NKD2: variants seen among roughly 807,000 people sequenced by gnomAD.
NKD2 encodes the protein protein naked cuticle homolog 2.
Under a neutral mutation model 34.8 loss-of-function variants are expected in NKD2, and 43 were observed. The ratio of observed to expected loss-of-function variants is 1.24; its 90% CI spans 0.97 to 1.60. The LOEUF is 1.60. NKD2 is among the 40% of genes most tolerant of loss of function. NKD2 has a pLI of 0.00. For missense variants in NKD2, 675 were observed against 627.1 expected, an observed-to-expected ratio of 1.08 and a Z score of -0.82; for synonymous variants, 278 against 265.1, an observed-to-expected ratio of 1.05 and a Z score of -0.47.
At chr5:1,025,002 C>T (rs1313422123) in intron 3 of NKD2, among the ~76,000 whole-genome samples, 5 of 13,494 alleles carry the variant, frequency 3.7e-4, no homozygotes, top group African/African-American at 4.3e-4. Flanking sequence ...TCTTCCCACC[C>T]GCTGTGGGCG....
At position 1,038,472 on chromosome 5, in the gene NKD2, G is replaced by GC; in HGVS notation, c.*104dup. The GC allele has an allele frequency of 6.5e-7, 1 of 1,531,108 alleles. No homozygotes were observed. The highest frequency in any genetic ancestry group is 8.7e-7 in the Non-Finnish European group (1 of 1,144,822). 94.8% of individuals were successfully genotyped at this position (1,531,108 alleles called of 1,614,324 possible). The stretch of plus-strand genomic sequence containing the variant: ...CGGCTGTGTGCCCATGGGGAGCCCA[G>GC]CCCCCACCCCCCACCTCCGACAGCA... On this transcript the variant is annotated 3_prime_UTR_variant, in exon 10 of 10. Transcript: ENST00000296849. This position sits in a 1 kb window ranked among gnomAD's most constrained non-coding sequence, Gnocchi z 4.5.
intron 3 of NKD2, among the ~76,000 whole-genome samples, chr5:1,025,877 C>T (rs113448369): frequency 2.6e-4 from 23 of 87,434 alleles, no homozygotes; most frequent in East Asian, 3.9e-4. Context: ...TGTGGGCGTC[C>T]CAGCCCGTTG....
intron 3 of NKD2, among the ~76,000 whole-genome samples, chr5:1,014,301 A>G (rs1333871838): frequency 1.3e-5 from 2 of 152,220 alleles, no homozygotes; most frequent in Non-Finnish European, 2.9e-5. Context: ...TCGGAAACCA[A>G]TCATCAGCCC....
chr5:1,037,421 C>A, intron 9 of NKD2: 1 of 1,113,912 alleles, frequency 9.0e-7, no homozygotes, highest in Non-Finnish European at 1.3e-6. Flanking sequence ...AGTCCTGAGT[C>A]CTTCTCAAAT....
rs1303057356 is a variant in NKD2 at position 1,038,357 on chromosome 5, A to G, written c.1340A>G (p.His447Arg). ...HEHHHHHHHH[H>R]FHPS The stretch of plus-strand genomic sequence containing the variant: ...CACCACCACCACCACCACCACCACC[A>G]CTTCCACCCGTCCTAGCGCCACTGC... Residue 447 changes from histidine (H) to arginine (R), a missense_variant, in exon 10 of 10, where the codon CAC becomes CGC. Physicochemically the swap from His to Arg is conservative, Grantham distance 29. Transcript: ENST00000296849. This position sits in a 1 kb window ranked among gnomAD's most constrained non-coding sequence, Gnocchi z 4.5. The G allele has an allele frequency of 6.5e-7, 1 of 1,535,206 alleles. No homozygotes were observed. The highest frequency in any genetic ancestry group is 8.7e-7 in the Non-Finnish European group (1 of 1,146,902).
chr5:1,016,881 G>A (rs1164114054), intron 3 of NKD2, among the ~76,000 whole-genome samples: 2 of 151,900 alleles, frequency 1.3e-5, no homozygotes, highest in Non-Finnish European at 2.9e-5. Context: ...GGATAACAGA[G>A]CCGACCCCAT....
chr5:1,031,567 AG>A (rs5865354), intron 3 of NKD2, among the ~76,000 whole-genome samples: 76,258 of 152,044 alleles, frequency 0.5, 19,291 homozygotes, highest in East Asian at 0.64. Context: ...CCCTGACCAC[AG>A]GTCTGTCTCC....
rs538550752 is a variant in NKD2 at position 1,011,375 on chromosome 5, A to G, written c.141+1815A>G. Among the ~76,000 whole-genome samples the G allele has an allele frequency of 6.6e-5, 10 of 152,270 alleles. No individual in the cohort carries two copies. The East Asian group carries it at 1.9e-3, about 29-fold the overall frequency. On this transcript the variant is annotated intron_variant, in intron 3 of 9. Coordinates refer to ENST00000296849, the MANE Select transcript of NKD2 (RefSeq NM_033120.4). ...TCACCTGGCAGCTGTTCCCCCTGCG[A>G]CAGATCCTACTGACGTCCAGGAGAG... is the stretch of plus-strand genomic sequence containing the variant.
intron 9 of NKD2, chr5:1,036,630 T>C: frequency 1.6e-6 from 1 of 623,196 alleles, no homozygotes; most frequent in African/African-American, 1.8e-5. Flanking sequence ...TCCAGGTGTG[T>C]GTATGTGGCG....
Position 1,036,799 on chromosome 5 carries a change from ACAGGCAGTGTGGACGGCAGGG to A in NKD2, c.787+430_787+450del, listed in dbSNP as rs564007561. On this transcript the variant is annotated intron_variant, in intron 9 of 9. Coordinates refer to ENST00000296849, the MANE Select transcript of NKD2 (RefSeq NM_033120.4). Reference sequence around the variant, plus strand: ...GTGTGGATGGCCGGCAGTGTGGACAACAGGCAGTGTGGACGGCAGGGCAGGCAGTGTGGACAACAGACAGTG... The same window carrying A: ...GTGTGGATGGCCGGCAGTGTGGACAACAGGCAGTGTGGACAACAGACAGTG... 738 of 460,152 alleles carry A rather than the reference ACAGGCAGTGTGGACGGCAGGG, an allele frequency of 1.6e-3. 2 individuals are homozygous for A. Among genetic ancestry groups the A allele is most frequent in the Non-Finnish European group, 2.5e-3 (570 of 230,530 alleles). 28.5% of individuals were successfully genotyped at this position (460,152 alleles called of 1,614,324 possible).
intron 3 of NKD2, among the ~76,000 whole-genome samples, chr5:1,031,917 T>C (rs4975577): frequency 0.49 from 74,331 of 152,066 alleles, 18,359 homozygotes; most frequent in East Asian, 0.59. Flanking sequence ...CTGCATCTTC[T>C]ACCTGGAAAT....
chr5:1,026,605 A>AGCCCGTTGTCCCTGCTCTTCCCACCCG (rs1756420533), intron 3 of NKD2, among the ~76,000 whole-genome samples: 1 of 40,656 alleles, frequency 2.5e-5, no homozygotes, highest in Non-Finnish European at 5.6e-5. Flanking sequence ...CTTCCCACCC[A>AGCCCGTTGTCCCTGCTCTTCCCACCCG]CTGTGGGTGT....
At chr5:1,016,641 A>AG (rs1755963015) in intron 3 of NKD2, among the ~76,000 whole-genome samples, 1 of 152,200 alleles carries the variant, frequency 6.6e-6, no homozygotes, top group Admixed American at 6.5e-5. Context: ...TGCTGTCTCC[A>AG]GTGAGGTTCT....
chr5:1,022,123 T>A (rs1756219551), intron 3 of NKD2, among the ~76,000 whole-genome samples: 1 of 151,104 alleles, frequency 6.6e-6, no homozygotes, highest in African/African-American at 2.4e-5. Flanking sequence ...CTGGCCCCTG[T>A]CCACCAGTAG....
At chr5:1,031,528 C>T (rs1054984327) in intron 3 of NKD2, among the ~76,000 whole-genome samples, 12 of 151,168 alleles carry the variant, frequency 7.9e-5, no homozygotes, top group East Asian at 2.0e-4. Flanking sequence ...CGAGGGGCTC[C>T]GCACCTCCAC....
intron 3 of NKD2, among the ~76,000 whole-genome samples, chr5:1,020,911 G>A (rs958595694): frequency 3.3e-5 from 5 of 152,114 alleles, no homozygotes; most frequent in Admixed American, 3.3e-4. Context: ...GCGTTTACTG[G>A]GTGAGGGGGC....
chr5:1,033,929 C>T (rs1047925608), intron 5 of NKD2, among the ~76,000 whole-genome samples: 8 of 152,236 alleles, frequency 5.3e-5, no homozygotes, highest in Admixed American at 2.6e-4. Flanking sequence ...CAACACTTGA[C>T]GGCCAGTGTG....
At chr5:1,037,330 G>A (rs1353594774) in intron 9 of NKD2, among the ~76,000 whole-genome samples, 1 of 152,182 alleles carries the variant, frequency 6.6e-6, no homozygotes, top group East Asian at 1.9e-4. Context: ...AGTGCGCTGT[G>A]TGCTGACCCT....
chr5:1,037,925 TG>T lies in NKD2; in HGVS notation c.910del (p.Glu304AsnfsTer124). ...CACCACCGCAGGTCACAGGTGCTGG[TG>T]GAACACGTCGTGCCAGCCTCGGAGC... ...AVHHRRSQVLVEHVVPASEPA... is the reference protein window; with the variant it reads ...AVHHRRSQVLXEHVVPASEPA... On this transcript the variant is annotated frameshift_variant, in exon 10 of 10. Coordinates refer to ENST00000296849, the MANE Select transcript of NKD2 (RefSeq NM_033120.4). LOFTEE classifies it low-confidence loss of function (END_TRUNC). 1 of 1,607,474 alleles carries T rather than the reference TG, an allele frequency of 6.2e-7. No individual in the cohort carries two copies.
Sources: gnomAD v4.1 joint callset for allele counts (sites outside exome capture counted in the v4.1 genomes callset) on GRCh38, gnomAD v4.1.1 for gene constraint, Gnocchi (gnomAD v3.1) non-coding constraint, MANE v1.5 for transcripts, NCBI Gene and HGNC (gene_info 2026-07-23, HGNC 2026-07-21) for gene names.